The following SH3PXD2A variants were observed in gnomAD, a reference collection of about 807,000 sequenced individuals.
SH3PXD2A encodes SH3 and PX domain-containing protein 2A.
A neutral mutation model predicts 115.2 loss-of-function variants in SH3PXD2A; 32 were observed. The observed-to-expected ratio is 0.28, with a 90% CI of 0.21 to 0.37. The LOEUF (loss-of-function observed/expected upper bound fraction) is 0.37. Among genes scored for constraint, SH3PXD2A ranks in the 10% least tolerant of loss-of-function variants. The pLI, the probability that SH3PXD2A is intolerant of heterozygous loss-of-function variation, is 1.00. For missense variants in SH3PXD2A, 1,328 were observed against 1,498.7 expected (o/e 0.89, Z 1.88); for synonymous variants, 610 against 629.1 (o/e 0.97, Z 0.45).
At chr10:103,638,831 G>A (rs772643562) in intron 8 of SH3PXD2A, among the ~76,000 whole-genome samples, 1 of 152,238 alleles carries the variant, frequency 6.6e-6, no homozygotes, top group Non-Finnish European at 1.5e-5. Context: ...CTGGGTGACT[G>A]GGGCCAGGGA....
intron 2 of SH3PXD2A, among the ~76,000 whole-genome samples, chr10:103,771,738 A>AACACACACACACACACACAC (rs3068820): frequency 1.4e-5 from 2 of 143,004 alleles, no homozygotes; most frequent in South Asian, 2.3e-4. Flanking sequence ...CCGTCAAAAC[A>AACACACACACACACACACAC]ACACACACAC....
intron 1 of SH3PXD2A, among the ~76,000 whole-genome samples, chr10:103,854,797 T>G (rs1564905297): frequency 1.3e-5 from 2 of 152,090 alleles, no homozygotes; most frequent in Non-Finnish European, 2.9e-5. Flanking sequence ...GGGCGAGCTC[T>G]GAAAGCATCT....
intron 1 of SH3PXD2A, among the ~76,000 whole-genome samples, chr10:103,846,089 T>C (rs890207046): frequency 1.3e-5 from 2 of 152,342 alleles, no homozygotes; most frequent in African/African-American, 4.8e-5. Flanking sequence ...CCCCACTGCA[T>C]AATTTATGCT....
chr10:103,771,776 C>CACAG (rs1210445851), intron 2 of SH3PXD2A, among the ~76,000 whole-genome samples: 1 of 151,712 alleles, frequency 6.6e-6, no homozygotes, highest in East Asian at 1.9e-4. Flanking sequence ...CACACACACA[C>CACAG]ACACAGACAC....
intron 10 of SH3PXD2A, among the ~76,000 whole-genome samples, chr10:103,619,848 C>G (rs2036576901): frequency 6.6e-6 from 1 of 152,228 alleles, no homozygotes; most frequent in Non-Finnish European, 1.5e-5. Context: ...GGAGGCTCGT[C>G]CTGCCCCGGT....
intron 3 of SH3PXD2A, among the ~76,000 whole-genome samples, chr10:103,762,054 G>A (rs1336564939): frequency 2.4e-5 from 3 of 126,952 alleles, no homozygotes; most frequent in African/African-American, 6.0e-5. Context: ...ACAGAGTCTC[G>A]CTCTGTCACC....
chr10:103,638,787 A>C (rs2036904964), intron 8 of SH3PXD2A, among the ~76,000 whole-genome samples: 1 of 152,268 alleles, frequency 6.6e-6, no homozygotes, highest in Non-Finnish European at 1.5e-5. Context: ...ACATGAAGTG[A>C]AATTCTAAAG....
intron 3 of SH3PXD2A, among the ~76,000 whole-genome samples, chr10:103,742,835 G>A (rs887649507): frequency 7.9e-5 from 12 of 152,094 alleles, no homozygotes; most frequent in African/African-American, 2.7e-4. Flanking sequence ...ATGGGGGGGC[G>A]GGTCCTTCTC....
chr10:103,801,969 G>A (rs1012500407), intron 1 of SH3PXD2A, among the ~76,000 whole-genome samples: 8 of 152,188 alleles, frequency 5.3e-5, no homozygotes, highest in African/African-American at 1.9e-4. Flanking sequence ...CTTCCAAAGT[G>A]CTGGGATTAC....
Position 103,666,034 on chromosome 10 carries a change from C to T in SH3PXD2A, c.472+2574G>A, listed in dbSNP as rs548824607. Among the ~76,000 whole-genome samples the T allele has an allele frequency of 6.6e-6, 1 of 152,320 alleles. No homozygotes were observed. Among genetic ancestry groups the T allele is most frequent in the African/African-American group, 2.4e-5 (1 of 41,580 alleles). On this transcript the variant is annotated intron_variant, in intron 7 of 14. Coordinates refer to ENST00000369774, the MANE Select transcript of SH3PXD2A (RefSeq NM_001394015.1). This position sits in a 1 kb window ranked among gnomAD's most constrained non-coding sequence, Gnocchi z 4.5. ...CACATCTGCATTCCTTCAACTACCA[C>T]CTGGATGGAACCCTGGCTGCCAACT... is the stretch of plus-strand genomic sequence containing the variant.
At chr10:103,728,876 G>GTTT (rs11399791) in intron 4 of SH3PXD2A, among the ~76,000 whole-genome samples, 1 of 142,664 alleles carries the variant, frequency 7.0e-6, no homozygotes, top group African/African-American at 2.6e-5. Context: ...GCAAAGAGTT[G>GTTT]TTTTTTTTGT....
intron 3 of SH3PXD2A, among the ~76,000 whole-genome samples, chr10:103,758,356 G>T (rs570711408): frequency 3.3e-5 from 5 of 152,210 alleles, no homozygotes; most frequent in Admixed American, 6.5e-5. Flanking sequence ...TGTCACCTCT[G>T]CAAAGAAGCC....
chr10:103,661,094 G>A lies in SH3PXD2A; in HGVS notation c.493C>T (p.Pro165Ser). The A allele has an allele frequency of 8.1e-6, 13 of 1,613,518 alleles. No homozygotes were observed. Among genetic ancestry groups the A allele is most frequent in the Middle Eastern group, 1.7e-4 (1 of 6,058 alleles). Residue 165 changes from proline (P) to serine (S), a missense_variant, in exon 8 of 15, where the codon CCC (proline) becomes TCC (serine). Pro to Ser is a moderately conservative substitution (Grantham distance 74, BLOSUM62 -1). Coordinates refer to ENST00000369774, the MANE Select transcript of SH3PXD2A (RefSeq NM_001394015.1). ...DVTGADATAE[P>S]MILEQYVVVS... Reference sequence around the variant, plus strand: ...ACCACGTACTGTTCCAGGATCATGGGCTCGGCGGTGGCGTCGGCACCTGGC... The same window carrying A: ...ACCACGTACTGTTCCAGGATCATGGACTCGGCGGTGGCGTCGGCACCTGGC...
At chr10:103,636,086 T>G (rs1236638819) in intron 8 of SH3PXD2A, among the ~76,000 whole-genome samples, 3 of 152,142 alleles carry the variant, frequency 2.0e-5, no homozygotes, top group African/African-American at 7.2e-5. Context: ...TCAAATTGAC[T>G]GATGCTGACA....
At chr10:103,809,898 A>G (rs2134275630) in intron 1 of SH3PXD2A, among the ~76,000 whole-genome samples, 1 of 151,356 alleles carries the variant, frequency 6.6e-6, no homozygotes, top group East Asian at 1.9e-4. Flanking sequence ...ATGGGTGGCC[A>G]GGCTGGTCTT....
chr10:103,768,362 G>T (rs562580739), intron 2 of SH3PXD2A, among the ~76,000 whole-genome samples: 1 of 152,334 alleles, frequency 6.6e-6, no homozygotes, highest in South Asian at 2.1e-4. Context: ...AGACCTGCAG[G>T]GGGGCGAGGA....
At chr10:103,835,826 A>G (rs79883176) in intron 1 of SH3PXD2A, among the ~76,000 whole-genome samples, 1,932 of 152,228 alleles carry the variant, frequency 0.013, 50 homozygotes, top group African/African-American at 0.044. Flanking sequence ...TCTGCTCCCT[A>G]TACTTCCTCC....
chr10:103,841,444 G>C (rs1307393293), intron 1 of SH3PXD2A, among the ~76,000 whole-genome samples: 2 of 152,114 alleles, frequency 1.3e-5, no homozygotes, highest in Admixed American at 1.3e-4. Flanking sequence ...GATGGAGACT[G>C]TGTTTCCCCA....
In SH3PXD2A at chr10:103,601,742, T is replaced by G. The variant is rs1470475333; in HGVS notation, c.*74A>C. On this transcript the variant is annotated 3_prime_UTR_variant, in exon 15 of 15. Coordinates refer to ENST00000369774, the MANE Select transcript of SH3PXD2A (RefSeq NM_001394015.1). The stretch of plus-strand genomic sequence containing the variant: ...CCCCACCCCCATTTTTTCCTTTCCC[T>G]TTTGTTCGTCTCACCGCTCATCCAG... 1.0e-5 allele frequency: 3 copies of G among 294,124 alleles called. No homozygotes were observed. Among genetic ancestry groups the G allele is most frequent in the Non-Finnish European group, 1.7e-5 (3 of 180,628 alleles). 18.2% of individuals were successfully genotyped at this position (294,124 alleles called of 1,614,324 possible). A position where few individuals can be genotyped will look rare whatever the true frequency, so the allele number is the denominator to read the frequency against.
Sources: gnomAD v4.1 joint callset for allele counts (sites outside exome capture counted in the v4.1 genomes callset) on GRCh38, gnomAD v4.1.1 for gene constraint, Gnocchi (gnomAD v3.1) non-coding constraint, MANE v1.5 for transcripts, NCBI Gene and HGNC (gene_info 2026-07-23, HGNC 2026-07-21) for gene names.